The following PTPRT variants were observed in gnomAD, a reference collection of about 807,000 sequenced individuals.
PTPRT encodes receptor-type tyrosine-protein phosphatase T.
PTPRT carries 56 observed loss-of-function variants against 176.8 expected under a neutral mutation model. The ratio of observed to expected loss-of-function variants is 0.32; its 90% confidence interval spans 0.26 to 0.40. The LOEUF is 0.40. Ranked by LOEUF, PTPRT falls within the 10% of genes least tolerant of loss-of-function variation. The pLI is 1.00. For synonymous variants in PTPRT, 783 were observed against 739.0 expected (o/e 1.06, Z -0.96); for missense variants, 1,540 against 1,908.2 (o/e 0.81, Z 3.60).
intron 2 of PTPRT, among the ~76,000 whole-genome samples, chr20:42,861,682 TAAAAC>T (rs534140121): frequency 2.8e-4 from 43 of 151,520 alleles, no homozygotes; most frequent in African/African-American, 7.0e-4. Flanking sequence ...AGTGTCTGGA[TAAAAC>T]AAAACAAAAC....
intron 12 of PTPRT, among the ~76,000 whole-genome samples, chr20:42,295,001 C>T (rs577356370): frequency 2.0e-5 from 3 of 152,044 alleles, no homozygotes; most frequent in Non-Finnish European, 4.4e-5. Flanking sequence ...CAAAGAAAAT[C>T]CAACATATAT....
chr20:42,093,464 G>GA (rs3092367), intron 27 of PTPRT, among the ~76,000 whole-genome samples: 95,001 of 152,008 alleles, frequency 0.62, 30,145 homozygotes, highest in African/African-American at 0.73. Flanking sequence ...AACCACTGCA[G>GA]GAATGAAAGA....
At chr20:42,776,777 A>T (rs1261029655) in intron 4 of PTPRT, among the ~76,000 whole-genome samples, 1 of 148,476 alleles carries the variant, frequency 6.7e-6, no homozygotes, top group African/African-American at 2.4e-5. Flanking sequence ...TGATATATAA[A>T]TGTAAATTAT....
intron 9 of PTPRT, among the ~76,000 whole-genome samples, chr20:42,437,362 T>C (rs1183021878): frequency 1.3e-5 from 2 of 152,142 alleles, no homozygotes; most frequent in Non-Finnish European, 2.9e-5. Context: ...GAGGCCCAGG[T>C]TGGGAAAGAA....
intron 7 of PTPRT, among the ~76,000 whole-genome samples, chr20:42,597,806 G>A (rs1382087026): frequency 6.6e-6 from 1 of 152,128 alleles, no homozygotes; most frequent in Non-Finnish European, 1.5e-5. Context: ...TAATGCATAT[G>A]GGTTAGAAGC....
chr20:42,405,685 T>G (rs1041782821), intron 9 of PTPRT, among the ~76,000 whole-genome samples: 2 of 152,212 alleles, frequency 1.3e-5, no homozygotes, highest in African/African-American at 4.8e-5. Flanking sequence ...CAGCATGATT[T>G]ATAATCCTTT....
In PTPRT at chr20:42,500,280, G is replaced by T. The variant is rs141431106; in HGVS notation, c.1154-27718C>A. Among the ~76,000 whole-genome samples, 8 of 152,052 alleles carry T rather than the reference G, an allele frequency of 5.3e-5. No homozygotes were observed. The East Asian group carries it at 1.5e-3, about 29-fold the overall frequency. On this transcript the variant is annotated intron_variant, in intron 7 of 30. Transcript: ENST00000373187. Reference sequence around the variant, plus strand: ...GTATAACCAGACAAAAATCAAGAAAGATGTTACCAGAATCACATAAGCCTC... The same window carrying T: ...GTATAACCAGACAAAAATCAAGAAATATGTTACCAGAATCACATAAGCCTC...
intron 1 of PTPRT, among the ~76,000 whole-genome samples, chr20:43,010,511 A>G (rs77535984): frequency 2.2e-4 from 34 of 152,278 alleles, no homozygotes; most frequent in African/African-American, 8.2e-4. Context: ...TCAACCTAGA[A>G]CTTTGGAAAG....
intron 27 of PTPRT, among the ~76,000 whole-genome samples, chr20:42,086,639 A>G (rs2146124181): frequency 6.7e-6 from 1 of 148,806 alleles, no homozygotes; most frequent in East Asian, 2.0e-4. Context: ...AGTGTAAAAA[A>G]TATAGGGGTT....
chr20:42,593,456 C>T (rs2073615295), intron 7 of PTPRT, among the ~76,000 whole-genome samples: 1 of 152,182 alleles, frequency 6.6e-6, no homozygotes, highest in Admixed American at 6.5e-5. Context: ...GGTGCTGACC[C>T]AGGCATGGAG....
At chr20:42,404,985 T>TATATATATATATATATATAC (rs2058945943) in intron 9 of PTPRT, among the ~76,000 whole-genome samples, 1 of 142,922 alleles carries the variant, frequency 7.0e-6, no homozygotes, top group African/African-American at 2.6e-5. Context: ...TATATATATA[T>TATATATATATATATATATAC]ATACACACAC....
At chr20:42,678,206 C>A (rs2146070154) in intron 6 of PTPRT, 47 bp from the exon 7 acceptor site, 1 of 1,555,512 alleles carries the variant, frequency 6.4e-7, no homozygotes, top group South Asian at 1.2e-5. Context: ...AAATGATTTA[C>A]AGAGCAGACT....
rs964803000 is a variant in PTPRT, at chr20:43,032,788, C to G, written c.89-146856G>C. On this transcript the variant is annotated intron_variant, in intron 1 of 30. Coordinates refer to ENST00000373187, the MANE Select transcript of PTPRT (RefSeq NM_007050.6). Reference sequence around the variant, plus strand: ...GAAGAATGGCCTACATTAGCCTGCCCGTAAAAAGTGAAGCCTTTATTTCAC... The same window carrying G: ...GAAGAATGGCCTACATTAGCCTGCCGGTAAAAAGTGAAGCCTTTATTTCAC... Among the ~76,000 whole-genome samples, 5 of 152,074 alleles carry G rather than the reference C, an allele frequency of 3.3e-5. No homozygotes were observed. In the East Asian group the frequency reaches 9.7e-4, roughly 29 times the overall value.
At chr20:42,326,737 T>C (rs1056813429) in intron 11 of PTPRT, among the ~76,000 whole-genome samples, 15 of 152,054 alleles carry the variant, frequency 9.9e-5, no homozygotes, top group Non-Finnish European at 1.9e-4. Context: ...GATGAATAAA[T>C]GGACAGAAAG....
At chr20:43,116,891 G>A (rs1443079936) in intron 1 of PTPRT, among the ~76,000 whole-genome samples, 2 of 152,110 alleles carry the variant, frequency 1.3e-5, no homozygotes, top group African/African-American at 2.4e-5. Flanking sequence ...AAAAAACACT[G>A]GCACCAAGCC....
In PTPRT at chr20:42,698,057, G is replaced by A. The variant is rs184296675; in HGVS notation, c.860-19898C>T. Among the ~76,000 whole-genome samples the A allele has an allele frequency of 7.9e-5, 12 of 152,224 alleles. No homozygotes were observed. The East Asian group carries it at 1.5e-3, about 20-fold the overall frequency. On this transcript the variant is annotated intron_variant, in intron 6 of 30. Transcript: ENST00000373187. ...CTATAGAGCTCTTCACAGCTTGCAG[G>A]CATTTATGGACTCTTCAAATTGCCC... is the stretch of plus-strand genomic sequence containing the variant.
chr20:43,119,870 G>T (rs2013192869), intron 1 of PTPRT, among the ~76,000 whole-genome samples: 1 of 152,184 alleles, frequency 6.6e-6, no homozygotes. Flanking sequence ...AGGAAATCAG[G>T]TACCAGAAGA....
At chr20:42,661,124 C>T (rs1274595359) in intron 7 of PTPRT, among the ~76,000 whole-genome samples, 1 of 152,116 alleles carries the variant, frequency 6.6e-6, no homozygotes, top group Non-Finnish European at 1.5e-5. Context: ...GCTGGTATTA[C>T]AGGTGTGAGC....
At chr20:42,955,242 C>T (rs1177947739) in intron 1 of PTPRT, among the ~76,000 whole-genome samples, 3 of 152,196 alleles carry the variant, frequency 2.0e-5, no homozygotes, top group Non-Finnish European at 2.9e-5. Flanking sequence ...CTGCGAGGCA[C>T]AGATACATTA....
Sources: gnomAD v4.1 joint callset for allele counts (sites outside exome capture counted in the v4.1 genomes callset) on GRCh38, gnomAD v4.1.1 for gene constraint, MANE v1.5 for transcripts, NCBI Gene and HGNC (gene_info 2026-07-23, HGNC 2026-07-21) for gene names.